The following DOLPP1 variants were observed in gnomAD, a reference collection of about 807,000 sequenced individuals.
DOLPP1 encodes the protein dolichyl pyrophosphate phosphatase 1.
A neutral mutation model predicts 34.1 loss-of-function variants in DOLPP1; 15 were observed. The ratio of observed to expected loss-of-function variants is 0.44; its 90% CI spans 0.29 to 0.68. The LOEUF is 0.68. DOLPP1 is among the 30% of genes least tolerant of loss of function. The pLI is 0.12. For synonymous variants in DOLPP1, 130 were observed against 128.2 expected, an observed-to-expected ratio of 1.01 and a Z score of -0.10; for missense variants, 249 against 307.1, an observed-to-expected ratio of 0.81 and a Z score of 1.41.
chr9:129,084,920 A>G, intron 2 of DOLPP1, 103 bp from the exon 3 acceptor site: 1 of 1,372,948 alleles, frequency 7.3e-7, no homozygotes, highest in African/African-American at 1.4e-5. Flanking sequence ...TAGGTTACTC[A>G]CCTGTTGGGC....
intron 7 of DOLPP1, among the ~76,000 whole-genome samples, chr9:129,087,017 G>A (rs1184537749): frequency 1.3e-5 from 2 of 152,228 alleles, no homozygotes; most frequent in Non-Finnish European, 2.9e-5. Flanking sequence ...GGGGGAGCAG[G>A]GTGGTGAACC....
At chr9:129,082,578 C>T (rs1846910155) in intron 1 of DOLPP1, among the ~76,000 whole-genome samples, 1 of 152,182 alleles carries the variant, frequency 6.6e-6, no homozygotes, top group Non-Finnish European at 1.5e-5. Flanking sequence ...TCTTGGAGTG[C>T]TCACAATCCA....
At chr9:129,084,479 G>A in intron 1 of DOLPP1, 189 bp from the exon 2 acceptor site, 3 of 680,132 alleles carry the variant, frequency 4.4e-6, no homozygotes, top group Admixed American at 2.1e-5. Flanking sequence ...CTAAGTAGTA[G>A]ACAGCATCAC....
chr9:129,088,904 G>C lies in DOLPP1; in HGVS notation c.681-67G>C, dbSNP rs144034480. 2,937 of 1,538,552 alleles carry C rather than the reference G, an allele frequency of 1.9e-3. 6 individuals are homozygous for C. The highest frequency in any genetic ancestry group is 8.0e-3 in the Middle Eastern group (47 of 5,874). On this transcript the variant is annotated intron_variant, in intron 7 of 7. Transcript: ENST00000372546. ...CCTACTTAGTTGGGACTACGGGTGG[G>C]GTGGGGACAGCTGTAGGTCACTGAA...
rs772116867 is a variant in DOLPP1 at position 129,085,226 on chromosome 9, C to T, written c.282C>T (p.Gly94=). The T allele has an allele frequency of 3.7e-6, 6 of 1,614,072 alleles. No individual in the cohort carries two copies. The South Asian group carries it at 5.5e-5, about 15-fold the overall frequency. The part of the protein sequence containing the change: ...RPCGGPHTAV[G]TKYGMPSSHS... ...TCCCAGGCCCCCACACAGCAGTGGG[C>T]ACCAAGTACGGGATGCCCTCCAGCC... The change falls in exon 4 of 8, where the codon GGC becomes GGT. Residue 94 remains glycine, a synonymous_variant. Transcript: ENST00000372546. The surrounding 1 kb of genome is among the most constrained non-coding windows in gnomAD (Gnocchi z 7.0).
chr9:129,084,470 T>C, intron 1 of DOLPP1, 198 bp from the exon 2 acceptor site: 2 of 665,640 alleles, frequency 3.0e-6, no homozygotes, highest in Non-Finnish European at 2.7e-6. Context: ...ACTTTAGTGC[T>C]AAGTAGTAGA....
At chr9:129,084,952 A>G (rs1588431274) in intron 2 of DOLPP1, 71 bp from the exon 3 acceptor site, 5 of 1,512,212 alleles carry the variant, frequency 3.3e-6, no homozygotes, top group Non-Finnish European at 4.5e-6. Context: ...GTCAGAGGCC[A>G]TGGTCTTTGG....
rs758916185 is a variant in DOLPP1, at chr9:129,085,079, C to T, written c.234C>T (p.Asn78=). 5.4e-5 allele frequency: 86 copies of T among 1,591,876 alleles called. No individual in the cohort carries two copies. The highest frequency in any genetic ancestry group is 4.6e-5 in the Non-Finnish European group (54 of 1,169,016). ...LNEGVNWLIK[N]VIQEPRPCGG... ...AGGGGGTCAACTGGCTGATCAAAAA[C>T]GTCATCCAGGAGCCACGGCCCTGTG... Residue 78 remains asparagine, a synonymous_variant, in exon 3 of 8, where the codon AAC becomes AAT. Coordinates refer to ENST00000372546, the MANE Select transcript of DOLPP1 (RefSeq NM_020438.5). The surrounding 1 kb of genome is among the most constrained non-coding windows in gnomAD (Gnocchi z 7.0).
In DOLPP1 at chr9:129,086,779, G is replaced by A; in HGVS notation, c.661G>A (p.Val221Ile). 6.2e-7 allele frequency: 1 copy of A among 1,613,730 alleles called. No individual in the cohort carries two copies. The highest frequency in any genetic ancestry group is 8.5e-7 in the Non-Finnish European group (1 of 1,180,000). ...IPNVLWFEYT[V>I]TRAEARNRQR... The stretch of plus-strand genomic sequence containing the variant: ...CAACGTACTCTGGTTTGAGTACACG[G>A]TAACCCGGGCAGAAGCCAGGTGAGT... Residue 221 changes from valine (V) to isoleucine (I), a missense_variant, in exon 7 of 8, where the codon GTA becomes ATA. Transcript: ENST00000372546.
chr9:129,083,220 C>A (rs1846923255), intron 1 of DOLPP1, among the ~76,000 whole-genome samples: 1 of 152,106 alleles, frequency 6.6e-6, no homozygotes. Flanking sequence ...AGTAGAGAGG[C>A]CAGAGTCCCT....
At chr9:129,084,944 C>T in intron 2 of DOLPP1, 79 bp from the exon 3 acceptor site, 1 of 1,490,090 alleles carries the variant, frequency 6.7e-7, no homozygotes, top group Non-Finnish European at 9.2e-7. Context: ...GAGGTTCAGT[C>T]AGAGGCCATG....
intron 1 of DOLPP1, among the ~76,000 whole-genome samples, chr9:129,081,716 A>C (rs1465143184): frequency 6.6e-6 from 1 of 152,220 alleles, no homozygotes; most frequent in Non-Finnish European, 1.5e-5. Flanking sequence ...TGAGCAGGGC[A>C]CGATTCCACA....
At chr9:129,088,941 T>C (rs748556562) in intron 7 of DOLPP1, 30 bp from the exon 8 acceptor site, 6 of 1,611,646 alleles carry the variant, frequency 3.7e-6, no homozygotes, top group Non-Finnish European at 5.1e-6. Flanking sequence ...ACCAGATGTC[T>C]CCACATCTGA....
At chr9:129,084,895 C>A in intron 2 of DOLPP1, 127 bp downstream of exon 2, 1 of 1,249,390 alleles carries the variant, frequency 8.0e-7, no homozygotes, top group Non-Finnish European at 1.1e-6. Flanking sequence ...GTGCGTGGAG[C>A]CTCCTGGCTG....
At position 129,084,782 on chromosome 9, in the gene DOLPP1, G is replaced by T; in HGVS notation, c.177+14G>T. 1 of 1,583,930 alleles carries T rather than the reference G, an allele frequency of 6.3e-7. No homozygotes were observed. The highest frequency in any genetic ancestry group is 8.7e-7 in the Non-Finnish European group (1 of 1,153,798). On this transcript the variant is annotated intron_variant, in intron 2 of 7. Transcript: ENST00000372546. The stretch of plus-strand genomic sequence containing the variant: ...GAGCTGCACACGGTGAGTCTGTCTT[G>T]CCCACACCCTCCCCACCCCACCCCC...
rs1436672464 is a variant in DOLPP1, at chr9:129,086,240, C to T, written c.563C>T (p.Thr188Ile). 1 of 1,613,452 alleles carries T rather than the reference C, an allele frequency of 6.2e-7. No individual in the cohort carries two copies. ...AWFIFTQEVL[T>I]PLFPRIAAWP... ...TTCATCTTCACCCAGGAGGTCCTCACCCCGCTGTTCCCCAGGATAGCAGCC... is the reference window on the plus strand; with the variant it reads ...TTCATCTTCACCCAGGAGGTCCTCATCCCGCTGTTCCCCAGGATAGCAGCC... The change falls in exon 6 of 8, where the codon ACC becomes ATC. Residue 188 changes from threonine to isoleucine, a missense_variant. Transcript: ENST00000372546.
chr9:129,084,616 C>T, intron 1 of DOLPP1, 52 bp from the exon 2 acceptor site: 3 of 1,318,900 alleles, frequency 2.3e-6, no homozygotes. Flanking sequence ...GGGCTGGTCC[C>T]TCTTCTGATG....
chr9:129,088,645 C>G (rs1041521487), intron 7 of DOLPP1, among the ~76,000 whole-genome samples: 1 of 152,166 alleles, frequency 6.6e-6, no homozygotes, highest in Non-Finnish European at 1.5e-5. Context: ...GTCTATAAAG[C>G]GAAACTCCCC....
chr9:129,083,499 A>T (rs1307899886), intron 1 of DOLPP1, among the ~76,000 whole-genome samples: 1 of 152,108 alleles, frequency 6.6e-6, no homozygotes, highest in Non-Finnish European at 1.5e-5. Flanking sequence ...CCTGGGTAGG[A>T]TGGGCTGGGT....
Sources: gnomAD v4.1 joint callset for allele counts (sites outside exome capture counted in the v4.1 genomes callset) on GRCh38, gnomAD v4.1.1 for gene constraint, Gnocchi (gnomAD v3.1) non-coding constraint, MANE v1.5 for transcripts, NCBI Gene and HGNC (gene_info 2026-07-23, HGNC 2026-07-21) for gene names.